SRD5A2: variants seen among roughly 807,000 people sequenced by gnomAD.
SRD5A2 encodes steroid 5 alpha-reductase 2.
SRD5A2 carries 30 observed loss-of-function variants against 27.4 expected under a neutral mutation model. The ratio of observed to expected loss-of-function variants is 1.10; its 90% CI spans 0.82 to 1.49. The LOEUF (loss-of-function observed/expected upper bound fraction) is 1.49, where lower values mean the gene tolerates loss of function less well. Among genes scored for constraint, SRD5A2 ranks in the 40% most tolerant of loss-of-function variants. The pLI, the probability that SRD5A2 is intolerant of heterozygous loss-of-function variation, is 0.00. For missense variants in SRD5A2, 348 were observed against 323.4 expected, an observed-to-expected ratio of 1.08 and a Z score of -0.58; for synonymous variants, 141 against 133.6, an observed-to-expected ratio of 1.06 and a Z score of -0.38.
the SRD5A2 span, among the ~76,000 whole-genome samples, chr2:31,653,530 G>T: frequency 6.6e-6 from 1 of 152,022 alleles, no homozygotes; most frequent in South Asian, 2.1e-4. Flanking sequence ...TCTTGTCTCT[G>T]TATGCACCCT....
the SRD5A2 span, among the ~76,000 whole-genome samples, chr2:31,613,191 TC>T: frequency 2.6e-5 from 4 of 152,066 alleles, no homozygotes; most frequent in African/African-American, 9.7e-5. Flanking sequence ...CTAAAAAGCT[TC>T]TGCACAACAA....
chr2:31,624,519 C>G, the SRD5A2 span, among the ~76,000 whole-genome samples: 158 of 152,114 alleles, frequency 1.0e-3, 1 homozygote, highest in Non-Finnish European at 1.4e-3. Flanking sequence ...CCCTCTCCCC[C>G]CACCCCACAC....
chr2:31,555,728 T>C (rs1666481599), intron 1 of SRD5A2, among the ~76,000 whole-genome samples: 1 of 152,218 alleles, frequency 6.6e-6, no homozygotes, highest in Non-Finnish European at 1.5e-5. Context: ...TTGATTTTTC[T>C]ATCACTTGGG....
At chr2:31,621,372 T>C in the SRD5A2 span, among the ~76,000 whole-genome samples, 927 of 152,204 alleles carry the variant, frequency 6.1e-3, 12 homozygotes, top group African/African-American at 0.021. Flanking sequence ...ATATGGTATG[T>C]AACCATTTGG....
chr2:31,557,633 T>A (rs1299747795), intron 1 of SRD5A2, among the ~76,000 whole-genome samples: 2 of 152,174 alleles, frequency 1.3e-5, no homozygotes, highest in Non-Finnish European at 2.9e-5. Flanking sequence ...TAGGAATGGA[T>A]GAGAAATGGA....
At chr2:31,590,559 C>A in the SRD5A2 span, among the ~76,000 whole-genome samples, 1 of 152,114 alleles carries the variant, frequency 6.6e-6, no homozygotes, top group African/African-American at 2.4e-5. Context: ...TGACTTTCTT[C>A]ACAGAACTGG....
the SRD5A2 span, among the ~76,000 whole-genome samples, chr2:31,640,153 G>A: frequency 6.7e-6 from 1 of 148,872 alleles, no homozygotes; most frequent in East Asian, 2.0e-4. Flanking sequence ...GAGTTCTTCA[G>A]TTCAGCATAT....
the SRD5A2 span, among the ~76,000 whole-genome samples, chr2:31,614,996 T>A: frequency 3.5e-4 from 54 of 152,286 alleles, no homozygotes; most frequent in Non-Finnish European, 6.6e-4. Context: ...CTTCACTTGG[T>A]TCCCATTCTC....
chr2:31,654,258 A>G, the SRD5A2 span, among the ~76,000 whole-genome samples: 1 of 152,200 alleles, frequency 6.6e-6, no homozygotes, highest in Non-Finnish European at 1.5e-5. Context: ...TAAGCAAAGT[A>G]GCAAGAGCCC....
At chr2:31,541,507 G>A (rs1666127778) in intron 1 of SRD5A2, among the ~76,000 whole-genome samples, 1 of 152,116 alleles carries the variant, frequency 6.6e-6, no homozygotes, top group African/African-American at 2.4e-5. Flanking sequence ...TGGAAAAGAG[G>A]GAGGGTGGAG....
At chr2:31,641,030 C>G in the SRD5A2 span, among the ~76,000 whole-genome samples, 1 of 152,128 alleles carries the variant, frequency 6.6e-6, no homozygotes, top group African/African-American at 2.4e-5. Context: ...TCTTATTATT[C>G]TCCTCCCATC....
chr2:31,597,612 A>G, the SRD5A2 span, among the ~76,000 whole-genome samples: 3 of 152,184 alleles, frequency 2.0e-5, no homozygotes, highest in African/African-American at 7.2e-5. Flanking sequence ...TCAACAAGAA[A>G]AAAACAATCT....
intron 1 of SRD5A2, among the ~76,000 whole-genome samples, chr2:31,546,955 A>G (rs867320804): frequency 2.0e-5 from 3 of 152,040 alleles, no homozygotes; most frequent in Admixed American, 6.6e-5. Context: ...AAAAGTAGCC[A>G]GGCGTGGTGG....
chr2:31,556,405 G>A (rs922475942), intron 1 of SRD5A2, among the ~76,000 whole-genome samples: 5 of 151,952 alleles, frequency 3.3e-5, no homozygotes, highest in Admixed American at 3.3e-4. Flanking sequence ...AGTACCTTAT[G>A]ATAGCAAAAA....
chr2:31,539,283 A>G (rs955982984), intron 1 of SRD5A2, among the ~76,000 whole-genome samples: 1 of 152,240 alleles, frequency 6.6e-6, no homozygotes, highest in Non-Finnish European at 1.5e-5. Flanking sequence ...GTTGGCAACC[A>G]TAAAATGGAA....
intron 1 of SRD5A2, among the ~76,000 whole-genome samples, chr2:31,540,583 T>A (rs1332486311): frequency 2.6e-5 from 4 of 152,222 alleles, no homozygotes; most frequent in African/African-American, 9.6e-5. Flanking sequence ...ACACGAGGAA[T>A]CTGTCTCCCT....
upstream of SRD5A2, among the ~76,000 whole-genome samples, chr2:31,583,800 C>G (rs1284476181): frequency 1.3e-5 from 2 of 151,964 alleles, no homozygotes; most frequent in Admixed American, 6.6e-5. Flanking sequence ...ACAGAAATGA[C>G]TATCGTGAAG....
intron 1 of SRD5A2, among the ~76,000 whole-genome samples, chr2:31,558,624 A>C (rs1485971315): frequency 6.6e-6 from 1 of 152,104 alleles, no homozygotes; most frequent in Non-Finnish European, 1.5e-5. Context: ...TGGATTTAGA[A>C]CCTACCTAAT....
intron 3 of SRD5A2, among the ~76,000 whole-genome samples, chr2:31,530,578 T>C (rs539514476): frequency 1.0e-3 from 157 of 152,350 alleles, no homozygotes; most frequent in African/African-American, 3.5e-3. Flanking sequence ...ACTGAATTCA[T>C]AGTAACTTTG....
Sources: gnomAD v4.1 joint callset for allele counts (sites outside exome capture counted in the v4.1 genomes callset) on GRCh38, gnomAD v4.1.1 for gene constraint, MANE v1.5 for transcripts, NCBI Gene and HGNC (gene_info 2026-07-23, HGNC 2026-07-21) for gene names.